Variants in PPM1E observed in about 807,000 individuals in gnomAD.
PPM1E encodes the protein protein phosphatase, Mg2+/Mn2+ dependent 1E, also known as protein phosphatase 1E.
Under a neutral mutation model 65.9 loss-of-function variants are expected in PPM1E, and 20 were observed. That is an observed-to-expected ratio of 0.30 (90% CI 0.21 to 0.44). The LOEUF (loss-of-function observed/expected upper bound fraction) is 0.44, where lower values mean the gene tolerates loss of function less well. Ranked by LOEUF, PPM1E falls within the 20% of genes least tolerant of loss-of-function variation. The pLI, the probability that PPM1E is intolerant of heterozygous loss-of-function variation, is 1.00. For missense variants in PPM1E, 713 were observed against 953.1 expected (o/e 0.75, Z 3.32); for synonymous variants, 352 against 374.9 (o/e 0.94, Z 0.70).
rs544489541 is a variant in PPM1E at position 58,849,259 on chromosome 17, GTC to G, written c.464+92802_464+92803del. Reference sequence around the variant, plus strand: ...TCGATTTTTTTGAAGGGTGTTTTGTGTCTCTATCTCCTTCAATTCTGCTCTGA... The same window carrying G: ...TCGATTTTTTTGAAGGGTGTTTTGTGTCTATCTCCTTCAATTCTGCTCTGA... On this transcript the variant is annotated intron_variant, in intron 1 of 6. Coordinates refer to ENST00000308249, the MANE Select transcript of PPM1E (RefSeq NM_014906.5). Among the ~76,000 whole-genome samples the G allele has an allele frequency of 5.4e-3, 828 of 152,190 alleles. 4 individuals carry two copies. Among genetic ancestry groups the G allele is most frequent in the South Asian group, 0.02 (96 of 4,806 alleles).
At chr17:58,819,230 C>T (rs977177579) in intron 1 of PPM1E, among the ~76,000 whole-genome samples, 3 of 152,166 alleles carry the variant, frequency 2.0e-5, no homozygotes, top group Admixed American at 6.5e-5. Flanking sequence ...ACTGCAATCT[C>T]TGCATCCCAT....
chr17:58,782,767 ACATAAGTGTGG>A (rs913712016), intron 1 of PPM1E, among the ~76,000 whole-genome samples: 4 of 152,018 alleles, frequency 2.6e-5, no homozygotes, highest in Non-Finnish European at 5.9e-5. Flanking sequence ...AAAGTGACAA[ACATAAGTGTGG>A]CAGAATAATT....
chr17:58,841,747 G>A (rs143938278), intron 1 of PPM1E, among the ~76,000 whole-genome samples: 3,296 of 151,586 alleles, frequency 0.022, 114 homozygotes, highest in African/African-American at 0.075. Context: ...TTACTCTGTT[G>A]CCCAGGCTGG....
intron 1 of PPM1E, among the ~76,000 whole-genome samples, chr17:58,915,052 G>A (rs547742995): frequency 4.6e-5 from 7 of 152,168 alleles, no homozygotes; most frequent in Admixed American, 2.0e-4. Flanking sequence ...AATTGTTACC[G>A]GAAAGGGGTC....
intron 2 of PPM1E, among the ~76,000 whole-genome samples, chr17:58,962,295 A>G (rs924577919): frequency 6.6e-5 from 10 of 152,116 alleles, no homozygotes; most frequent in Admixed American, 4.6e-4. Context: ...AAAAAAAAAA[A>G]AAAAGAAAAA....
chr17:58,830,740 C>T (rs1431003528), intron 1 of PPM1E, among the ~76,000 whole-genome samples: 1 of 151,658 alleles, frequency 6.6e-6, no homozygotes, highest in Non-Finnish European at 1.5e-5. Context: ...GGCTGGAGTG[C>T]AGTGGCATGA....
chr17:58,951,789 A>T (rs2052243227), intron 1 of PPM1E, among the ~76,000 whole-genome samples: 1 of 152,078 alleles, frequency 6.6e-6, no homozygotes, highest in Admixed American at 6.6e-5. Flanking sequence ...GTATCGTGAG[A>T]CCTTCATCTC....
intron 1 of PPM1E, among the ~76,000 whole-genome samples, chr17:58,808,294 T>C (rs2050333987): frequency 6.6e-6 from 1 of 152,242 alleles, no homozygotes; most frequent in Admixed American, 6.5e-5. Context: ...TCTGGTCATT[T>C]GCTCTTCCAT....
At position 58,980,266 on chromosome 17, in the gene PPM1E, A is replaced by C; in HGVS notation, c.1503A>C (p.Ser501=). 1.2e-6 allele frequency: 2 copies of C among 1,614,234 alleles called. No homozygotes were observed. Among genetic ancestry groups the C allele is most frequent in the South Asian group, 1.1e-5 (1 of 91,090 alleles). The stretch of plus-strand genomic sequence containing the variant: ...AAGCTGTAAATGTTAGTGAGGAATC[A>C]GATTGGACAGAGAACTCTTTTCAAG... The part of the protein sequence containing the change: ...MNKAVNVSEE[S]DWTENSFQGG... Residue 501 remains serine, a synonymous_variant, in exon 7 of 7, where the codon TCA becomes TCC. Coordinates refer to ENST00000308249, the MANE Select transcript of PPM1E (RefSeq NM_014906.5). The surrounding 1 kb of genome is among the most constrained non-coding windows in gnomAD (Gnocchi z 4.7).
chr17:58,756,409 G>C lies in PPM1E; in HGVS notation c.412G>C (p.Glu138Gln), dbSNP rs760548493. ...PRPLSERITR[E>Q]EVEGESLDLC... is the part of the protein sequence containing the mutation. ...ACCGCTGTCAGAGCGCATCACCCGC[G>C]AGGAGGTGGAGGGCGAAAGCCTGGA... The change falls in exon 1 of 7, where the codon GAG becomes CAG. Residue 138 changes from glutamate (E) to glutamine (Q), a missense_variant. Coordinates refer to ENST00000308249, the MANE Select transcript of PPM1E (RefSeq NM_014906.5). The C allele has an allele frequency of 1.5e-6, 2 of 1,357,614 alleles. No homozygotes were observed. Among genetic ancestry groups the C allele is most frequent in the African/African-American group, 1.5e-5 (1 of 65,006 alleles). The allele number at this position is 1,357,614 out of a possible 1,614,324, so 84.1% of individuals were successfully genotyped here. A position where few individuals can be genotyped will look rare whatever the true frequency, so the allele number is the denominator to read the frequency against.
intron 6 of PPM1E, among the ~76,000 whole-genome samples, chr17:58,978,118 T>C (rs1316244488): frequency 6.6e-6 from 1 of 152,198 alleles, no homozygotes; most frequent in East Asian, 1.9e-4. Context: ...TTTATCTTCA[T>C]TTTAATATTC....
At chr17:58,826,523 A>T (rs2143157905) in intron 1 of PPM1E, among the ~76,000 whole-genome samples, 1 of 152,346 alleles carries the variant, frequency 6.6e-6, no homozygotes, top group African/African-American at 2.4e-5. Flanking sequence ...ATTTAATCAA[A>T]TTATACAATA....
rs776373173 is a variant in PPM1E, at chr17:58,756,066, C to G, written c.69C>G (p.Arg23=). The G allele has an allele frequency of 5.0e-6, 8 of 1,613,578 alleles. No individual in the cohort carries two copies. The highest frequency in any genetic ancestry group is 6.8e-6 in the Non-Finnish European group (8 of 1,179,840). The change falls in exon 1 of 7, where the codon CGC becomes CGG. Residue 23 remains arginine, a synonymous_variant. Coordinates refer to ENST00000308249, the MANE Select transcript of PPM1E (RefSeq NM_014906.5). ...TGGAGCTATTCCTGGGCGAGTTTCG[C>G]GGACCGTGCGGCGGCGGCGAGCCGG... The part of the protein sequence containing the change: ...RFLELFLGEF[R]GPCGGGEPEP...
chr17:58,949,409 G>T (rs924554326), intron 1 of PPM1E, among the ~76,000 whole-genome samples: 3 of 152,046 alleles, frequency 2.0e-5, no homozygotes, highest in African/African-American at 7.2e-5. Context: ...TGAGTTTCTT[G>T]TAGACAGCAT....
chr17:58,862,633 T>G (rs1354175255), intron 1 of PPM1E, among the ~76,000 whole-genome samples: 2 of 152,212 alleles, frequency 1.3e-5, no homozygotes, highest in Non-Finnish European at 2.9e-5. Flanking sequence ...TGACCTTGAT[T>G]GCTATGTAAA....
chr17:58,923,299 A>AAG (rs1555620058), intron 1 of PPM1E, among the ~76,000 whole-genome samples: 1 of 150,186 alleles, frequency 6.7e-6, no homozygotes, highest in Non-Finnish European at 1.5e-5. Flanking sequence ...AAAAAAAAAA[A>AAG]AAAGAAAGAA....
chr17:58,963,181 T>C (rs182702403), intron 2 of PPM1E, among the ~76,000 whole-genome samples: 2,572 of 150,626 alleles, frequency 0.017, 56 homozygotes, highest in African/African-American at 0.059. Flanking sequence ...GGTCAGGAGT[T>C]CGAGACCAGC....
chr17:58,927,572 T>C (rs1327545830), intron 1 of PPM1E, among the ~76,000 whole-genome samples: 2 of 152,152 alleles, frequency 1.3e-5, no homozygotes, highest in East Asian at 1.9e-4. Context: ...AAAATAGATA[T>C]ATCAATCAGG....
intron 1 of PPM1E, among the ~76,000 whole-genome samples, chr17:58,758,075 T>C (rs573257606): frequency 1.3e-5 from 2 of 152,360 alleles, no homozygotes; most frequent in Non-Finnish European, 2.9e-5. Flanking sequence ...TGACAGTTAA[T>C]TCTTACCTTT....
Sources: gnomAD v4.1 joint callset for allele counts (sites outside exome capture counted in the v4.1 genomes callset) on GRCh38, gnomAD v4.1.1 for gene constraint, Gnocchi (gnomAD v3.1) non-coding constraint, MANE v1.5 for transcripts, NCBI Gene and HGNC (gene_info 2026-07-23, HGNC 2026-07-21) for gene names.